The following GALNT18 variants were observed in gnomAD, a reference collection of about 807,000 sequenced individuals.
GALNT18 encodes polypeptide N-acetylgalactosaminyltransferase 18.
In GALNT18, 44 loss-of-function variants were observed where a neutral mutation model predicts 69.5. The ratio of observed to expected loss-of-function variants is 0.63; its 90% CI spans 0.50 to 0.81. GALNT18 has a LOEUF of 0.81. Among genes scored for constraint, GALNT18 ranks in the 40% least tolerant of loss-of-function variants. The pLI is 0.00. For synonymous variants in GALNT18, 364 were observed against 318.2 expected, an observed-to-expected ratio of 1.14 and a Z score of -1.53; for missense variants, 715 against 810.0, an observed-to-expected ratio of 0.88 and a Z score of 1.42.
chr11:11,522,983 A>C (rs1374416494), intron 1 of GALNT18, among the ~76,000 whole-genome samples: 2 of 152,208 alleles, frequency 1.3e-5, no homozygotes, highest in Non-Finnish European at 1.5e-5. Context: ...AGAGTAAAGT[A>C]AGAGACTGAG....
intron 10 of GALNT18, among the ~76,000 whole-genome samples, chr11:11,276,564 A>T (rs12786321): frequency 0.35 from 53,455 of 151,970 alleles, 10,412 homozygotes; most frequent in Non-Finnish European, 0.45. Flanking sequence ...AACTTCCCAT[A>T]CTATGTTGAA....
chr11:11,362,725 C>T (rs1850671568), intron 6 of GALNT18, among the ~76,000 whole-genome samples: 1 of 152,084 alleles, frequency 6.6e-6, no homozygotes, highest in South Asian at 2.1e-4. Flanking sequence ...CTTCATCATT[C>T]CTGGTGGGAA....
chr11:11,277,866 CTGTT>C (rs569917886), intron 10 of GALNT18, among the ~76,000 whole-genome samples: 37 of 152,258 alleles, frequency 2.4e-4, no homozygotes, highest in African/African-American at 8.2e-4. Flanking sequence ...GTCTGAGAGA[CTGTT>C]TGCTATGATT....
rs553693429 is a variant in GALNT18, at chr11:11,343,356, T to TA, written c.1093-2353dup. On this transcript the variant is annotated intron_variant, in intron 6 of 10. Transcript: ENST00000227756. ...CAGAGTGAGACCCTGTCTCAAAAAA[T>TA]AAAAAAAATAAAAAATAATAATAAA... 9.9e-4 allele frequency among the ~76,000 whole-genome samples: 149 copies of TA among 150,774 alleles called. No individual in the cohort carries two copies. In the South Asian group the frequency reaches 0.029, roughly 29 times the overall value.
intron 1 of GALNT18, 72 bp from the exon 2 acceptor site, chr11:11,449,008 T>A: frequency 7.9e-7 from 1 of 1,259,430 alleles, no homozygotes; most frequent in Non-Finnish European, 1.1e-6. Context: ...TCCCTTTCCC[T>A]TCCTCACAAA....
chr11:11,416,908 C>A (rs1854879144), intron 3 of GALNT18, among the ~76,000 whole-genome samples: 1 of 152,246 alleles, frequency 6.6e-6, no homozygotes, highest in African/African-American at 2.4e-5. Flanking sequence ...CCTCCCCCAG[C>A]CCTTGCTCCT....
At chr11:11,379,357 G>C (rs1853853829) in intron 3 of GALNT18, 93 bp from the exon 4 acceptor site, 2 of 1,276,598 alleles carry the variant, frequency 1.6e-6, no homozygotes, top group Non-Finnish European at 2.2e-6. Flanking sequence ...ATGACCCCCA[G>C]AGAAAGGCTG....
chr11:11,336,884 C>T (rs140748595), intron 7 of GALNT18, among the ~76,000 whole-genome samples: 152 of 152,058 alleles, frequency 1.0e-3, no homozygotes, highest in African/African-American at 3.3e-3. Flanking sequence ...GTGTGAGGCA[C>T]GGAAAGAAGA....
chr11:11,375,773 T>C (rs1178575220), intron 5 of GALNT18, among the ~76,000 whole-genome samples: 4 of 149,372 alleles, frequency 2.7e-5, no homozygotes, highest in African/African-American at 9.7e-5. Context: ...CAGCAAATGT[T>C]TAACAACACA....
chr11:11,609,116 GC>G (rs1859824708), intron 1 of GALNT18, among the ~76,000 whole-genome samples: 1 of 152,182 alleles, frequency 6.6e-6, no homozygotes, highest in South Asian at 2.1e-4. Context: ...ACAATGCCAA[GC>G]CCAAGAGAAG....
chr11:11,484,396 C>T (rs979770059), intron 1 of GALNT18, among the ~76,000 whole-genome samples: 2 of 151,976 alleles, frequency 1.3e-5, no homozygotes, highest in African/African-American at 4.8e-5. Context: ...AGTTTGAGAC[C>T]AGCCTGACCA....
At chr11:11,560,097 A>C (rs1336096204) in intron 1 of GALNT18, among the ~76,000 whole-genome samples, 126 of 5,206 alleles carry the variant, frequency 0.024, no homozygotes, top group African/African-American at 0.027. Context: ...GGCGGGATGG[A>C]ATGGAATAGA....
At chr11:11,473,170 G>A (rs963402395) in intron 1 of GALNT18, among the ~76,000 whole-genome samples, 3 of 151,974 alleles carry the variant, frequency 2.0e-5, no homozygotes, top group East Asian at 1.9e-4. Context: ...GAAATACCCC[G>A]GAACTAAACA....
chr11:11,336,734 C>G (rs1423555334), intron 7 of GALNT18, among the ~76,000 whole-genome samples: 1 of 152,226 alleles, frequency 6.6e-6, no homozygotes, highest in East Asian at 1.9e-4. Flanking sequence ...TCTTTTCCAA[C>G]TGACCTTTAC....
At chr11:11,560,798 A>C (rs1010979990) in intron 1 of GALNT18, among the ~76,000 whole-genome samples, 2 of 152,232 alleles carry the variant, frequency 1.3e-5, no homozygotes, top group Non-Finnish European at 2.9e-5. Flanking sequence ...TCCAGGGAGC[A>C]GAATTACTGA....
In GALNT18 at chr11:11,495,708, G is replaced by C. The variant is rs1162867845; in HGVS notation, c.236-46772C>G. The stretch of plus-strand genomic sequence containing the variant: ...GCAAAAATTACATAGAAAACTTGAA[G>C]ACCCACCAGGAACAAGCCAGAAAGC... On this transcript the variant is annotated intron_variant, in intron 1 of 10. Coordinates refer to ENST00000227756, the MANE Select transcript of GALNT18 (RefSeq NM_198516.3). 2.0e-5 allele frequency among the ~76,000 whole-genome samples: 3 copies of C among 152,298 alleles called. No homozygotes were observed. The East Asian group carries it at 5.8e-4, about 29-fold the overall frequency.
chr11:11,406,280 G>C (rs935524117), intron 3 of GALNT18, among the ~76,000 whole-genome samples: 3 of 152,284 alleles, frequency 2.0e-5, no homozygotes, highest in African/African-American at 7.2e-5. Flanking sequence ...GTAGGTAGGA[G>C]GATAATCATC....
chr11:11,343,130 G>A (rs887308397), intron 6 of GALNT18, among the ~76,000 whole-genome samples: 3 of 152,098 alleles, frequency 2.0e-5, no homozygotes, highest in Non-Finnish European at 4.4e-5. Context: ...GATCACTTGA[G>A]CTTGGGAGTT....
chr11:11,422,781 G>A lies in GALNT18; in HGVS notation c.595+9840C>T, dbSNP rs55821102. On this transcript the variant is annotated intron_variant, in intron 3 of 10. Transcript: ENST00000227756. ...CAAGGGATAATGGGGGTTCTGCAGG[G>A]GGTGGGGAAGGACCCAGCAGCTGGT... 9.6e-3 allele frequency among the ~76,000 whole-genome samples: 1,456 copies of A among 152,174 alleles called. 9 individuals are homozygous for A. Among genetic ancestry groups the A allele is most frequent in the Non-Finnish European group, 0.015 (1,053 of 67,984 alleles).
Sources: gnomAD v4.1 joint callset for allele counts (sites outside exome capture counted in the v4.1 genomes callset) on GRCh38, gnomAD v4.1.1 for gene constraint, MANE v1.5 for transcripts, NCBI Gene and HGNC (gene_info 2026-07-23, HGNC 2026-07-21) for gene names.